TRPC5: variants seen among roughly 807,000 people sequenced by gnomAD.
The protein encoded by TRPC5 is transient receptor potential cation channel subfamily C member 5.
A neutral mutation model predicts 56.5 loss-of-function variants in TRPC5; 9 were observed. That is an observed-to-expected ratio of 0.16 (90% confidence interval 0.10 to 0.28). The LOEUF (loss-of-function observed/expected upper bound fraction) is 0.28, where lower values mean the gene tolerates loss of function less well. Ranked by LOEUF, TRPC5 falls within the 10% of genes least tolerant of loss-of-function variation. The pLI, the probability that TRPC5 is intolerant of heterozygous loss-of-function variation, is 1.00. For missense variants in TRPC5, 469 were observed against 748.9 expected (o/e 0.63, Z 4.36); for synonymous variants, 282 against 278.5 (o/e 1.01, Z -0.13).
intron 1 of TRPC5, among the ~76,000 whole-genome samples, chrX:111,975,571 C>G (rs930651729): frequency 1.8e-4 from 20 of 110,734 alleles, no homozygotes; most frequent in South Asian, 1.1e-3. Context: ...TGCTATCCCT[C>G]CCCCAGCCCC....
Position 111,776,194 on chromosome X carries a change from A to G in TRPC5, c.*119T>C. On this transcript the variant is annotated 3_prime_UTR_variant, in exon 11 of 11. Coordinates refer to ENST00000262839, the MANE Select transcript of TRPC5 (RefSeq NM_012471.3). ...GGCTATAAAAGATGGTGCAAATAAGAGTTTCACTCTCCTTTCTGGGGGGCA... is the reference window on the plus strand; with the variant it reads ...GGCTATAAAAGATGGTGCAAATAAGGGTTTCACTCTCCTTTCTGGGGGGCA... 2 of 664,198 alleles carry G rather than the reference A, an allele frequency of 3.0e-6. No individual in the cohort carries two copies. The highest frequency in any genetic ancestry group is 4.4e-6 in the Non-Finnish European group (2 of 454,314). The allele number at this position is 664,198 out of a possible 1,213,427, so 54.7% of individuals were successfully genotyped here.
At chrX:111,976,502 G>A (rs1234735868) in intron 1 of TRPC5, among the ~76,000 whole-genome samples, 1 of 110,811 alleles carries the variant, frequency 9.0e-6, no homozygotes, top group African/African-American at 3.3e-5. Context: ...AATAAAGACC[G>A]TATGTGAAAA....
intron 1 of TRPC5, among the ~76,000 whole-genome samples, chrX:111,982,354 GT>G (rs1462537567): frequency 6.3e-5 from 7 of 111,666 alleles, no homozygotes; most frequent in Non-Finnish European, 1.3e-4. Context: ...CTCATTCTGT[GT>G]TCCCTTTGCC....
At chrX:111,983,213 G>T (rs747712086) in intron 1 of TRPC5, among the ~76,000 whole-genome samples, 1 of 111,626 alleles carries the variant, frequency 9.0e-6, no homozygotes, top group Non-Finnish European at 1.9e-5. Flanking sequence ...AGGAGGTATT[G>T]GTCCCTGCTG....
At chrX:111,932,223 T>C (rs1489880194) in intron 2 of TRPC5, among the ~76,000 whole-genome samples, 1 of 111,685 alleles carries the variant, frequency 9.0e-6, no homozygotes, top group Non-Finnish European at 1.9e-5. Flanking sequence ...CCAATAAAAA[T>C]GGGACACAGA....
At chrX:111,989,147 C>T (rs1274716184) in intron 1 of TRPC5, among the ~76,000 whole-genome samples, 3 of 111,580 alleles carry the variant, frequency 2.7e-5, no homozygotes, top group Non-Finnish European at 5.6e-5. Context: ...AGCAAGCAAC[C>T]TAGTAAACCA....
intron 2 of TRPC5, among the ~76,000 whole-genome samples, chrX:111,947,954 A>G (rs771785073): frequency 3.6e-5 from 4 of 111,906 alleles, no homozygotes; most frequent in Non-Finnish European, 7.5e-5. Flanking sequence ...CATTTATTAC[A>G]ATTCTTAGTC....
intron 1 of TRPC5, among the ~76,000 whole-genome samples, chrX:112,004,536 A>G (rs190139181): frequency 2.7e-5 from 3 of 112,121 alleles, no homozygotes; most frequent in Non-Finnish European, 3.8e-5. Flanking sequence ...GCACAATGTG[A>G]TCTTTTGCCC....
In TRPC5 at chrX:111,781,921, A is replaced by G; in HGVS notation, c.2100+14T>C. On this transcript the variant is annotated intron_variant, in intron 8 of 10. Coordinates refer to ENST00000262839, the MANE Select transcript of TRPC5 (RefSeq NM_012471.3). ...AATTTTTAAAAATTAAGTTTTCAAA[A>G]TTAAAAGTCTTACTGTGAAACTTCT... 1 of 1,166,165 alleles carries G rather than the reference A, an allele frequency of 8.6e-7. No individual in the cohort carries two copies. The highest frequency in any genetic ancestry group is 2.0e-5 in the South Asian group (1 of 51,278).
chrX:111,898,091 G>A (rs772553475), intron 3 of TRPC5, among the ~76,000 whole-genome samples: 22 of 109,236 alleles, frequency 2.0e-4, no homozygotes, highest in African/African-American at 4.6e-4. Flanking sequence ...AGTATATTGC[G>A]GTATCTTAGT....
chrX:111,836,026 G>T (rs2148577885), intron 6 of TRPC5, among the ~76,000 whole-genome samples: 1 of 111,603 alleles, frequency 9.0e-6, no homozygotes, highest in African/African-American at 3.2e-5. Context: ...ACGAAACAGA[G>T]ATTCAGAGAC....
chrX:111,782,840 C>CA (rs748200066), intron 7 of TRPC5, among the ~76,000 whole-genome samples: 2 of 109,742 alleles, frequency 1.8e-5, no homozygotes, highest in Non-Finnish European at 3.8e-5. Flanking sequence ...CACACACACA[C>CA]ATCAGTGTAC....
intron 1 of TRPC5, among the ~76,000 whole-genome samples, chrX:112,068,207 C>A (rs190694058): frequency 8.9e-6 from 1 of 112,448 alleles, no homozygotes; most frequent in Non-Finnish European, 1.9e-5. Flanking sequence ...TTTATAATAT[C>A]TTTCCTGCTG....
At chrX:112,034,267 A>G (rs1423764801) in intron 1 of TRPC5, among the ~76,000 whole-genome samples, 2 of 109,441 alleles carry the variant, frequency 1.8e-5, no homozygotes, top group Non-Finnish European at 3.8e-5. Flanking sequence ...ATGATGCAGA[A>G]TGTCTTTTCA....
chrX:111,910,478 C>A (rs1436672122), intron 3 of TRPC5, among the ~76,000 whole-genome samples: 3 of 111,882 alleles, frequency 2.7e-5, no homozygotes, highest in African/African-American at 9.8e-5. Flanking sequence ...AGAATTAGAC[C>A]ATATACCACG....
In TRPC5 at chrX:111,977,077, A is replaced by T. The variant is rs569580261; in HGVS notation, c.-21-24636T>A. Reference sequence around the variant, plus strand: ...CAAAATGTCCATACTACCCAAAGTGATCTACAGATTCAATGCAATTCCTAT... The same window carrying T: ...CAAAATGTCCATACTACCCAAAGTGTTCTACAGATTCAATGCAATTCCTAT... On this transcript the variant is annotated intron_variant, in intron 1 of 10. Coordinates refer to ENST00000262839, the MANE Select transcript of TRPC5 (RefSeq NM_012471.3). Among the ~76,000 whole-genome samples the T allele has an allele frequency of 2.9e-4, 32 of 111,284 alleles. 1 individual carries two copies. In the South Asian group the frequency reaches 9.9e-3, roughly 34 times the overall value.
chrX:111,802,720 A>G (rs771846263), intron 7 of TRPC5, among the ~76,000 whole-genome samples: 6 of 111,634 alleles, frequency 5.4e-5, no homozygotes, highest in Non-Finnish European at 9.4e-5. Context: ...GGAATATATC[A>G]TTCCTGAGGG....
intron 7 of TRPC5, among the ~76,000 whole-genome samples, chrX:111,783,727 A>G (rs1345674172): frequency 9.0e-6 from 1 of 110,749 alleles, no homozygotes; most frequent in East Asian, 2.8e-4. Flanking sequence ...CATTCTCTTA[A>G]TGATGTCTTT....
chrX:111,939,262 A>G (rs1433652812), intron 2 of TRPC5, among the ~76,000 whole-genome samples: 1 of 111,863 alleles, frequency 8.9e-6, no homozygotes, highest in Non-Finnish European at 1.9e-5. Context: ...CTTGGCCATG[A>G]TAAGTGACCT....
Sources: allele counts gnomAD v4.1 joint callset (sites outside exome capture counted in the v4.1 genomes callset), GRCh38; gene constraint gnomAD v4.1.1; transcripts MANE v1.5; gene names NCBI Gene and HGNC (gene_info 2026-07-23, HGNC 2026-07-21).